The following DLGAP1 variants were observed in gnomAD, a reference collection of about 807,000 sequenced individuals.
DLGAP1 encodes DLG associated protein 1.
In DLGAP1, 11 loss-of-function variants were observed where a neutral mutation model predicts 90.8. The observed-to-expected ratio is 0.12, with a 90% CI of 0.08 to 0.20. The LOEUF is 0.20. DLGAP1 is among the 10% of genes least tolerant of loss of function. The pLI, the probability that DLGAP1 is intolerant of heterozygous loss-of-function variation, is 1.00. For missense variants in DLGAP1, 1,050 were observed against 1,333.8 expected (o/e 0.79, Z 3.31); for synonymous variants, 558 against 540.7 (o/e 1.03, Z -0.44).
At chr18:3,639,974 T>A (rs1034160273) in intron 7 of DLGAP1, among the ~76,000 whole-genome samples, 1 of 151,490 alleles carries the variant, frequency 6.6e-6, no homozygotes, top group Non-Finnish European at 1.5e-5. Context: ...CAGGATGGTC[T>A]CGATCTCCTG....
At chr18:4,020,332 G>A (rs529764544) in intron 2 of DLGAP1, among the ~76,000 whole-genome samples, 1 of 152,178 alleles carries the variant, frequency 6.6e-6, no homozygotes, top group Non-Finnish European at 1.5e-5. Flanking sequence ...TTTTATTTTT[G>A]GTTTATCGTC....
chr18:4,314,460 C>T (rs992764600), intron 1 of DLGAP1, among the ~76,000 whole-genome samples: 6 of 152,174 alleles, frequency 3.9e-5, no homozygotes, highest in Non-Finnish European at 8.8e-5. Context: ...TCTCAAATCC[C>T]CTACTATGTA....
chr18:3,812,033 A>G (rs1476109232), intron 5 of DLGAP1, among the ~76,000 whole-genome samples: 1 of 152,158 alleles, frequency 6.6e-6, no homozygotes, highest in Non-Finnish European at 1.5e-5. Flanking sequence ...AATGTGACCA[A>G]TGCATCTTGA....
At chr18:4,200,576 A>C (rs2144803609) in intron 1 of DLGAP1, among the ~76,000 whole-genome samples, 1 of 151,202 alleles carries the variant, frequency 6.6e-6, no homozygotes, top group East Asian at 1.9e-4. Context: ...TAGAGGAATA[A>C]ATATTAAATA....
At chr18:3,674,785 C>T (rs1439174225) in intron 7 of DLGAP1, among the ~76,000 whole-genome samples, 2 of 150,602 alleles carry the variant, frequency 1.3e-5, no homozygotes. Flanking sequence ...GAGTCCACCA[C>T]AATCATCACC....
intron 1 of DLGAP1, among the ~76,000 whole-genome samples, chr18:4,240,537 T>C (rs1316295737): frequency 3.9e-5 from 6 of 152,154 alleles, no homozygotes; most frequent in East Asian, 1.9e-4. Flanking sequence ...GTAGAACTTA[T>C]GTAAGACCAG....
At chr18:4,111,177 T>G (rs912030367) in intron 2 of DLGAP1, among the ~76,000 whole-genome samples, 1 of 151,568 alleles carries the variant, frequency 6.6e-6, no homozygotes, top group East Asian at 1.9e-4. Flanking sequence ...ATCTTCTGAG[T>G]TTTTTTCTGT....
intron 4 of DLGAP1, among the ~76,000 whole-genome samples, chr18:3,877,989 T>G (rs756802398): frequency 6.6e-6 from 1 of 152,170 alleles, no homozygotes; most frequent in Non-Finnish European, 1.5e-5. Flanking sequence ...ATTGCCAGCT[T>G]GGGGTCTTCT....
At chr18:4,243,082 T>C (rs927421861) in intron 1 of DLGAP1, among the ~76,000 whole-genome samples, 5 of 151,994 alleles carry the variant, frequency 3.3e-5, no homozygotes, top group Non-Finnish European at 7.4e-5. Flanking sequence ...CGCTCTTAGA[T>C]GGTGTGTTGT....
At chr18:4,156,653 T>C (rs1047449973) in intron 1 of DLGAP1, among the ~76,000 whole-genome samples, 1 of 152,174 alleles carries the variant, frequency 6.6e-6, no homozygotes, top group African/African-American at 2.4e-5. Context: ...TAAATTTTTG[T>C]TTGGATAGGA....
intron 2 of DLGAP1, among the ~76,000 whole-genome samples, chr18:4,028,122 TA>T (rs2074733090): frequency 6.6e-6 from 1 of 152,234 alleles, no homozygotes; most frequent in African/African-American, 2.4e-5. Flanking sequence ...AAGAAGATTC[TA>T]AAACTTAGCT....
chr18:3,802,932 T>C (rs933918841), intron 5 of DLGAP1, among the ~76,000 whole-genome samples: 3 of 152,214 alleles, frequency 2.0e-5, no homozygotes, highest in African/African-American at 7.2e-5. Context: ...GAATCATCTT[T>C]GAGGATCCTT....
intron 7 of DLGAP1, among the ~76,000 whole-genome samples, chr18:3,674,296 A>ATATATATATAT (rs1555623972): frequency 0.019 from 2,511 of 128,902 alleles, 81 homozygotes; most frequent in African/African-American, 0.037. Flanking sequence ...ATAATATTAA[A>ATATATATATAT]ATATATATAT....
intron 9 of DLGAP1, among the ~76,000 whole-genome samples, chr18:3,563,397 C>T (rs932585775): frequency 1.3e-5 from 2 of 151,892 alleles, no homozygotes; most frequent in South Asian, 2.1e-4. Context: ...TTGTATTCCT[C>T]TCTCATGTAA....
At chr18:3,803,158 A>G (rs924434234) in intron 5 of DLGAP1, among the ~76,000 whole-genome samples, 6 of 152,130 alleles carry the variant, frequency 3.9e-5, no homozygotes, top group African/African-American at 1.4e-4. Context: ...AGTTGGGAAG[A>G]GATGTCCACC....
At chr18:4,303,099 T>C (rs572718459) in intron 1 of DLGAP1, among the ~76,000 whole-genome samples, 1 of 152,284 alleles carries the variant, frequency 6.6e-6, no homozygotes, top group Admixed American at 6.5e-5. Flanking sequence ...GTTCCCAGAA[T>C]AGTGACTGGC....
At chr18:3,941,140 C>A (rs1318046615) in intron 3 of DLGAP1, among the ~76,000 whole-genome samples, 1 of 152,170 alleles carries the variant, frequency 6.6e-6, no homozygotes, top group African/African-American at 2.4e-5. Flanking sequence ...AAGGAAAAAA[C>A]TGTCATGATT....
intron 1 of DLGAP1, among the ~76,000 whole-genome samples, chr18:4,291,403 A>C (rs2079845024): frequency 6.6e-6 from 1 of 152,162 alleles, no homozygotes; most frequent in Admixed American, 6.5e-5. Flanking sequence ...AACACTATTA[A>C]ATATTCATTA....
At chr18:3,602,266 C>T (rs1406713297) in intron 7 of DLGAP1, among the ~76,000 whole-genome samples, 2 of 151,932 alleles carry the variant, frequency 1.3e-5, no homozygotes, top group South Asian at 4.1e-4. Flanking sequence ...ACCAGATAAC[C>T]GAGACAGTGC....
Sources: gnomAD v4.1 joint callset for allele counts (sites outside exome capture counted in the v4.1 genomes callset) on GRCh38, gnomAD v4.1.1 for gene constraint, MANE v1.5 for transcripts, NCBI Gene and HGNC (gene_info 2026-07-23, HGNC 2026-07-21) for gene names.